Variants in UGT2B17 observed in about 807,000 individuals in gnomAD.
UGT2B17 encodes UDP glucuronosyltransferase family 2 member B17.
UGT2B17 carries 21 observed loss-of-function variants against 48.2 expected under a neutral mutation model. The observed-to-expected ratio is 0.44, with a 90% CI of 0.31 to 0.63. UGT2B17 has a LOEUF of 0.63. UGT2B17 is among the 20% of genes least tolerant of loss of function. The pLI, the probability that UGT2B17 is intolerant of heterozygous loss-of-function variation, is 0.08. For missense variants in UGT2B17, 402 were observed against 696.1 expected (o/e 0.58, Z 4.75); for synonymous variants, 146 against 238.4 (o/e 0.61, Z 3.57).
rs1432852646 is a variant in UGT2B17, at chr4:68,551,442, A to T, written c.1093+382T>A. Among the ~76,000 whole-genome samples the T allele has an allele frequency of 1.6e-5, 2 of 125,100 alleles. 1 individual carries two copies. The highest frequency in any genetic ancestry group is 3.4e-5 in the Non-Finnish European group (2 of 59,172). The allele number at this position is 125,100 out of a possible 152,430, so 82.1% of individuals were successfully genotyped here. On this transcript the variant is annotated intron_variant, in intron 5 of 6. Coordinates refer to ENST00000317746, the MANE Select transcript of UGT2B17 (RefSeq NM_001077.4). ...GGTGATTTATTCCCACAGAAAATAG[A>T]GTCACTGGTAATAGAAGAATGTCTG...
rs1731066777 is a variant in UGT2B17 at position 68,559,666 on chromosome 4, C to T, written c.1005+871G>A. Among the ~76,000 whole-genome samples the T allele has an allele frequency of 5.6e-5, 7 of 125,708 alleles. 3 individuals carry two copies. The highest frequency in any genetic ancestry group is 1.5e-3 in the East Asian group (2 of 1,342). The allele number at this position is 125,708 out of a possible 152,430, so 82.5% of individuals were successfully genotyped here. ...GGGCTATGCAGATAAGAAAGTAAAA[C>T]GTAAATTGAAAATACACAAAGATTG... On this transcript the variant is annotated intron_variant, in intron 4 of 6. Coordinates refer to ENST00000317746, the MANE Select transcript of UGT2B17 (RefSeq NM_001077.4).
Position 68,561,921 on chromosome 4 carries a change from T to C in UGT2B17, c.874-1253A>G, listed in dbSNP as rs1264304567. 1.0e-4 allele frequency among the ~76,000 whole-genome samples: 13 copies of C among 123,964 alleles called. 4 individuals carry two copies. The East Asian group carries it at 5.4e-3, about 51-fold the overall frequency. The allele number at this position is 123,964 out of a possible 152,430, so 81.3% of individuals were successfully genotyped here. The stretch of plus-strand genomic sequence containing the variant: ...TCCCTTTTGTTCTAAATTCTTTTTT[T>C]CTCAGTAAAATAATGACCAACCCCT... On this transcript the variant is annotated intron_variant, in intron 3 of 6. Coordinates refer to ENST00000317746, the MANE Select transcript of UGT2B17 (RefSeq NM_001077.4).
intron 1 of UGT2B17, among the ~76,000 whole-genome samples, chr4:68,571,036 C>G (rs1226550049): frequency 7.9e-6 from 1 of 125,870 alleles, no homozygotes; most frequent in African/African-American, 2.7e-5. Flanking sequence ...GAGTCTCTTG[C>G]CGGGCAAGAA....
intron 2 of UGT2B17, among the ~76,000 whole-genome samples, chr4:68,566,826 T>G (rs991866112): frequency 1.6e-4 from 18 of 109,596 alleles, no homozygotes; most frequent in African/African-American, 5.8e-4. Context: ...ACTCTTTCAG[T>G]TCCACAATTA....
At position 68,568,275 on chromosome 4, in the gene UGT2B17, A is replaced by G. The variant is rs755835266; in HGVS notation, c.210T>C (p.Ser70=). The change falls in exon 2 of 7, where the codon TCT becomes TCC. Residue 70 remains serine, a synonymous_variant. Coordinates refer to ENST00000317746, the MANE Select transcript of UGT2B17 (RefSeq NM_001077.4). ...TAGGATAAACTTCTAATTTAATAGC[A>G]GATGATTTACTGGCATTGACAAGAA... is the stretch of plus-strand genomic sequence containing the variant. ...ASILVNASKS[S]AIKLEVYPTS... is the part of the protein sequence containing the mutation. The G allele has an allele frequency of 7.3e-7, 1 of 1,376,300 alleles. No individual in the cohort carries two copies. Among genetic ancestry groups the G allele is most frequent in the South Asian group, 1.6e-5 (1 of 60,806 alleles). The allele number at this position is 1,376,300 out of a possible 1,614,324, so 85.3% of individuals were successfully genotyped here.
intron 6 of UGT2B17, among the ~76,000 whole-genome samples, chr4:68,544,220 T>A (rs1380850203): frequency 1.6e-5 from 2 of 126,556 alleles, no homozygotes; most frequent in African/African-American, 5.4e-5. Flanking sequence ...CCCATCAGAC[T>A]AACAGCTGAT....
In UGT2B17 at chr4:68,557,529, T is replaced by A. The variant is rs192347147; in HGVS notation, c.1005+3008A>T. Among the ~76,000 whole-genome samples the A allele has an allele frequency of 1.1e-4, 12 of 113,768 alleles. 3 individuals carry two copies. The highest frequency in any genetic ancestry group is 3.5e-4 in the African/African-American group (12 of 34,230). The allele number at this position is 113,768 out of a possible 152,430, so 74.6% of individuals were successfully genotyped here. A position where few individuals can be genotyped will look rare whatever the true frequency, so the allele number is the denominator to read the frequency against. ...ATTGCTGATCCTTTGTTTTGTTTTG[T>A]TTTTTTTTTTAGAGTGAAGGAATCT... On this transcript the variant is annotated intron_variant, in intron 4 of 6. Transcript: ENST00000317746.
At chr4:68,541,038 A>G (rs1259965784) in intron 6 of UGT2B17, among the ~76,000 whole-genome samples, 1 of 124,956 alleles carries the variant, frequency 8.0e-6, no homozygotes, top group Admixed American at 8.3e-5. Context: ...TTCTTTATCC[A>G]GTCTATCATT....
rs777930657 is a variant in UGT2B17 at position 68,556,489 on chromosome 4, G to A, written c.1005+4048C>T. Among the ~76,000 whole-genome samples the A allele has an allele frequency of 1.0e-4, 13 of 124,988 alleles. 3 individuals are homozygous for A. The highest frequency in any genetic ancestry group is 1.9e-4 in the Non-Finnish European group (11 of 58,958). 82.0% of individuals were successfully genotyped at this position (124,988 alleles called of 152,430 possible). On this transcript the variant is annotated intron_variant, in intron 4 of 6. Coordinates refer to ENST00000317746, the MANE Select transcript of UGT2B17 (RefSeq NM_001077.4). ...AGGGACTATCACAGAAGAGGTGGGT[G>A]TGTGAGATTGAAAGAACTGATACTA...
In UGT2B17 at chr4:68,574,952, C is replaced by CT. The variant is rs1161782021; in HGVS notation, c.-65+998_-65+999insA. Among the ~76,000 whole-genome samples the CT allele has an allele frequency of 8.2e-4, 57 of 69,634 alleles. 9 individuals carry two copies. Among genetic ancestry groups the CT allele is most frequent in the African/African-American group, 2.8e-3 (56 of 20,110 alleles). 45.7% of individuals were successfully genotyped at this position (69,634 alleles called of 152,430 possible). ...TTACATAAATTTTACCTCCTCCCCC[C>CT]CCTTTTTTTTTTGAAGATAACCATT... On this transcript the variant is annotated intron_variant, in intron 1 of 6. Transcript: ENST00000317746.
chr4:68,573,764 T>C (rs4860989), intron 1 of UGT2B17, among the ~76,000 whole-genome samples: 121,665 of 125,054 alleles, frequency 0.97, 59,923 homozygotes, highest in East Asian at 1. Context: ...CAAGGGCTGA[T>C]TGATTGATAA....
chr4:68,552,028 G>A lies in UGT2B17; in HGVS notation c.1006-117C>T, dbSNP rs1730924854. 6 of 732,536 alleles carry A rather than the reference G, an allele frequency of 8.2e-6. 2 individuals are homozygous for A. The highest frequency in any genetic ancestry group is 1.1e-5 in the Non-Finnish European group (6 of 541,206). The allele number at this position is 732,536 out of a possible 1,614,324, so 45.4% of individuals were successfully genotyped here. ...CATATAAAAGATGAAGAAATAAGAAGAAGTGATGTCAAGTAATGAGAACTA... is the reference window on the plus strand; with the variant it reads ...CATATAAAAGATGAAGAAATAAGAAAAAGTGATGTCAAGTAATGAGAACTA... On this transcript the variant is annotated intron_variant, in intron 4 of 6. Coordinates refer to ENST00000317746, the MANE Select transcript of UGT2B17 (RefSeq NM_001077.4).
At chr4:68,540,691 G>T (rs1484590241) in intron 6 of UGT2B17, among the ~76,000 whole-genome samples, 1 of 126,098 alleles carries the variant, frequency 7.9e-6, no homozygotes, top group Non-Finnish European at 1.7e-5. Flanking sequence ...GTGTGGGTTT[G>T]TTACATAGGT....
Position 68,568,104 on chromosome 4 carries a change from G to A in UGT2B17, c.381C>T (p.Leu127=). ...CWEYSDYNIK[L]CEDAVLNKKL... ...TCTTGTTCAAAACTGCATCTTCACA[G>A]AGCTTTATATTATAGTCAGAATATT... Residue 127 remains leucine, a synonymous_variant, in exon 2 of 7, where the codon CTC becomes CTT. Transcript: ENST00000317746. 2 of 1,382,442 alleles carry A rather than the reference G, an allele frequency of 1.4e-6. No individual in the cohort carries two copies. The highest frequency in any genetic ancestry group is 1.9e-6 in the Non-Finnish European group (2 of 1,055,396). The allele number at this position is 1,382,442 out of a possible 1,614,324, so 85.6% of individuals were successfully genotyped here. A position where few individuals can be genotyped will look rare whatever the true frequency, so the allele number is the denominator to read the frequency against.
In UGT2B17 at chr4:68,537,694, C is replaced by G. The variant is rs1312325852; in HGVS notation, c.1524G>C (p.Met508Ile). 1.5e-6 allele frequency: 2 copies of G among 1,378,146 alleles called. No individual in the cohort carries two copies. The highest frequency in any genetic ancestry group is 1.9e-6 in the Non-Finnish European group (2 of 1,054,408). 85.4% of individuals were successfully genotyped at this position (1,378,146 alleles called of 1,614,324 possible). A position where few individuals can be genotyped will look rare whatever the true frequency, so the allele number is the denominator to read the frequency against. Residue 508 changes from methionine (M) to isoleucine (I), a missense_variant, in exon 7 of 7, where the codon ATG becomes ATC. This residue lies in a region of UGT2B17 where 156 missense variants were observed against 258.6 expected (regional missense o/e 0.60). Coordinates refer to ENST00000317746, the MANE Select transcript of UGT2B17 (RefSeq NM_001077.4). The part of the protein sequence containing the change: ...LLACVATMIF[M>I]ITKCCLFCFR... Reference sequence around the variant, plus strand: ...AACAAAACAGGCAACATTTTGTGATCATAAATATCATAGTTGCCACGCAGG... The same window carrying G: ...AACAAAACAGGCAACATTTTGTGATGATAAATATCATAGTTGCCACGCAGG...
chr4:68,544,861 T>A lies in UGT2B17; in HGVS notation c.1313+5816A>T, dbSNP rs1730764427. Among the ~76,000 whole-genome samples, 2 of 125,198 alleles carry A rather than the reference T, an allele frequency of 1.6e-5. 1 individual carries two copies. The highest frequency in any genetic ancestry group is 3.4e-5 in the Non-Finnish European group (2 of 59,156). 82.1% of individuals were successfully genotyped at this position (125,198 alleles called of 152,430 possible). A position where few individuals can be genotyped will look rare whatever the true frequency, so the allele number is the denominator to read the frequency against. On this transcript the variant is annotated intron_variant, in intron 6 of 6. Transcript: ENST00000317746. ...AAGAGACAAGGCCATTACATAATGG[T>A]AAAGGGATCAATTCAACAAGAAGAG...
chr4:68,562,681 A>G lies in UGT2B17; in HGVS notation c.874-2013T>C, dbSNP rs1731126025. On this transcript the variant is annotated intron_variant, in intron 3 of 6. Transcript: ENST00000317746. ...AGAAGATCAATGTAAGTAGTCTTGT[A>G]AAAGTATGAAAATTTAGGAAAAAAA... Among the ~76,000 whole-genome samples the G allele has an allele frequency of 1.6e-5, 2 of 126,374 alleles. 1 individual carries two copies. Among genetic ancestry groups the G allele is most frequent in the Admixed American group, 1.6e-4 (2 of 12,302 alleles). The allele number at this position is 126,374 out of a possible 152,430, so 82.9% of individuals were successfully genotyped here.
rs1282661780 is a variant in UGT2B17 at position 68,551,709 on chromosome 4, A to AT, written c.1093+114dup. ...AATAAATATAAAGTAGTTAAATTTG[A>AT]TTTTTTTTTAGTTTTCCAATAATAA... On this transcript the variant is annotated intron_variant, in intron 5 of 6. Coordinates refer to ENST00000317746, the MANE Select transcript of UGT2B17 (RefSeq NM_001077.4). 6.2e-4 allele frequency: 456 copies of AT among 740,332 alleles called. 30 individuals are homozygous for AT. Among genetic ancestry groups the AT allele is most frequent in the South Asian group, 1.1e-3 (28 of 25,660 alleles). 45.9% of individuals were successfully genotyped at this position (740,332 alleles called of 1,614,324 possible).
At chr4:68,548,563 C>T (rs1383691960) in intron 6 of UGT2B17, among the ~76,000 whole-genome samples, 1 of 125,010 alleles carries the variant, frequency 8.0e-6, no homozygotes, top group African/African-American at 2.7e-5. Context: ...TACCCTAAAA[C>T]TTAAAGTATA....
Sources: gnomAD v4.1 joint callset for allele counts (sites outside exome capture counted in the v4.1 genomes callset) on GRCh38, gnomAD v4.1.1 for gene constraint, gnomAD v4.1.1 regional missense constraint, MANE v1.5 for transcripts, NCBI Gene and HGNC (gene_info 2026-07-23, HGNC 2026-07-21) for gene names.